Variants in JDP2 observed in about 807,000 individuals in gnomAD.
The protein encoded by JDP2 is progesterone receptor co-activator.
In JDP2, 9 loss-of-function variants were observed where a neutral mutation model predicts 17.1. The ratio of observed to expected loss-of-function variants is 0.53; its 90% CI spans 0.32 to 0.92. JDP2 has a LOEUF of 0.92. Ranked by LOEUF, JDP2 falls within the 40% of genes least tolerant of loss-of-function variation. JDP2 has a pLI of 0.04. For missense variants in JDP2, 179 were observed against 220.0 expected (o/e 0.81, Z 1.18); for synonymous variants, 107 against 95.6 (o/e 1.12, Z -0.69).
At position 75,430,269 on chromosome 14, in the gene JDP2, C is replaced by T. The variant is rs1315835550; in HGVS notation, c.-24+2017C>T. ...TCTCTCGAGTGTCTGTTTCCAGCTC[C>T]ACTCTGGAAAGAAAGGGGCCAACGC... is the stretch of plus-strand genomic sequence containing the variant. On this transcript the variant is annotated intron_variant, in intron 1 of 3. Coordinates refer to ENST00000651602, the MANE Select transcript of JDP2 (RefSeq NM_001135048.2). The surrounding 1 kb of genome is among the most constrained non-coding windows in gnomAD (Gnocchi z 4.5). Among the ~76,000 whole-genome samples, 1 of 152,184 alleles carries T rather than the reference C, an allele frequency of 6.6e-6. No individual in the cohort carries two copies. Among genetic ancestry groups the T allele is most frequent in the Non-Finnish European group, 1.5e-5 (1 of 68,042 alleles).
rs1566751282 is a variant in JDP2 at position 75,469,441 on chromosome 14, GCAAC to G, written c.460_463del (p.Asn154HisfsTer61). The G allele has an allele frequency of 1.9e-6, 3 of 1,614,010 alleles. No individual in the cohort carries two copies. Among genetic ancestry groups the G allele is most frequent in the Non-Finnish European group, 2.5e-6 (3 of 1,179,984 alleles). ...AGTGTCAAGACCCCCGAGTCAGAAG[GCAAC>G]CCACTGCTCGAGCAGCTCGAGAAGA... is the stretch of plus-strand genomic sequence containing the variant. On this transcript the variant is annotated frameshift_variant, in exon 4 of 4. Transcript: ENST00000651602. LOFTEE classifies it high-confidence loss of function.
intron 3 of JDP2, 123 bp downstream of exon 3, chr14:75,461,653 A>G (rs1886353878): frequency 1.3e-6 from 1 of 741,666 alleles, no homozygotes. Flanking sequence ...CTGCCAAAGC[A>G]GCCTTGGCCC....
At chr14:75,460,068 T>C (rs1176757306) in intron 2 of JDP2, among the ~76,000 whole-genome samples, 1 of 152,228 alleles carries the variant, frequency 6.6e-6, no homozygotes, top group Non-Finnish European at 1.5e-5. Context: ...ATGACATGTG[T>C]TTAAAGCATT....
chr14:75,446,058 C>G (rs1176990868), intron 2 of JDP2, among the ~76,000 whole-genome samples: 1 of 152,058 alleles, frequency 6.6e-6, no homozygotes, highest in Non-Finnish European at 1.5e-5. Flanking sequence ...AAAAAATGCT[C>G]AACATCATAG....
chr14:75,455,918 T>C (rs1886082222), intron 2 of JDP2, among the ~76,000 whole-genome samples: 2 of 152,212 alleles, frequency 1.3e-5, no homozygotes, highest in African/African-American at 2.4e-5. Context: ...TATTGGCGGC[T>C]GCTTAAGGGC....
rs1884612874 is a variant in JDP2, at chr14:75,428,153, C to T, written c.-123C>T. On this transcript the variant is annotated 5_prime_UTR_variant, in exon 1 of 4. Transcript: ENST00000651602. This position sits in a 1 kb window ranked among gnomAD's most constrained non-coding sequence, Gnocchi z 5.6. ...GGCCGGGACAGGCCTGGGCACCGGGCGGAGCTCCGCGGCCGGGCGGCAGCG... is the reference window on the plus strand; with the variant it reads ...GGCCGGGACAGGCCTGGGCACCGGGTGGAGCTCCGCGGCCGGGCGGCAGCG... 6.9e-6 allele frequency: 1 copy of T among 145,716 alleles called. No homozygotes were observed. The highest frequency in any genetic ancestry group is 2.5e-5 in the African/African-American group (1 of 40,638). The allele number at this position is 145,716 out of a possible 1,614,324, so 9.0% of individuals were successfully genotyped here.
chr14:75,456,114 A>G lies in JDP2; in HGVS notation c.202-5312A>G, dbSNP rs1169626723. ...AGTGGCATGTGGCAGAAACCTTCTCAAACTCCCTTCAAGCCAAGGGAGGAA... is the reference window on the plus strand; with the variant it reads ...AGTGGCATGTGGCAGAAACCTTCTCGAACTCCCTTCAAGCCAAGGGAGGAA... On this transcript the variant is annotated intron_variant, in intron 2 of 3. Coordinates refer to ENST00000651602, the MANE Select transcript of JDP2 (RefSeq NM_001135048.2). Among the ~76,000 whole-genome samples, 6 of 152,180 alleles carry G rather than the reference A, an allele frequency of 3.9e-5. No individual in the cohort carries two copies. In the East Asian group the frequency reaches 1.2e-3, roughly 29 times the overall value.
At chr14:75,469,001 A>G (rs141876860) in intron 3 of JDP2, among the ~76,000 whole-genome samples, 38 of 152,360 alleles carry the variant, frequency 2.5e-4, no homozygotes, top group African/African-American at 9.1e-4. Flanking sequence ...GAGCAACAGC[A>G]AGGTGGTCAC....
intron 3 of JDP2, among the ~76,000 whole-genome samples, chr14:75,462,290 C>G (rs1431481949): frequency 1.3e-5 from 2 of 152,188 alleles, no homozygotes; most frequent in East Asian, 1.9e-4. Context: ...AGTCTCTGGT[C>G]TTTCCACCCC....
chr14:75,455,385 TG>T (rs1886056429), intron 2 of JDP2, among the ~76,000 whole-genome samples: 2 of 152,152 alleles, frequency 1.3e-5, no homozygotes, highest in Admixed American at 1.3e-4. Context: ...GGTCCAGGAC[TG>T]GGGGTGGACT....
chr14:75,464,698 A>T (rs1008314187), intron 3 of JDP2, among the ~76,000 whole-genome samples: 1 of 152,204 alleles, frequency 6.6e-6, no homozygotes, highest in Non-Finnish European at 1.5e-5. Flanking sequence ...GGACAACCAG[A>T]TCCACACCTG....
chr14:75,442,601 T>G (rs1885406167), intron 2 of JDP2, among the ~76,000 whole-genome samples: 1 of 152,240 alleles, frequency 6.6e-6, no homozygotes, highest in African/African-American at 2.4e-5. Flanking sequence ...CATTGTTCAT[T>G]AGGTTTTGCT....
intron 2 of JDP2, among the ~76,000 whole-genome samples, chr14:75,441,247 C>G (rs908665608): frequency 5.3e-5 from 8 of 152,188 alleles, no homozygotes; most frequent in African/African-American, 1.9e-4. Flanking sequence ...CTCCTGGGCT[C>G]TGTCCAAACG....
In JDP2 at chr14:75,443,242, A is replaced by G. The variant is rs909224; in HGVS notation, c.201+5121A>G. Among the ~76,000 whole-genome samples the G allele has an allele frequency of 8.3e-4, 126 of 152,294 alleles. 5 individuals are homozygous for G. The South Asian group carries it at 0.025, about 31-fold the overall frequency. On this transcript the variant is annotated intron_variant, in intron 2 of 3. Coordinates refer to ENST00000651602, the MANE Select transcript of JDP2 (RefSeq NM_001135048.2). ...AAGACGTGCATCCATGTTTAGCCTG[A>G]GCAGAAAAAGTTGCCCCAAACCAGC...
intron 2 of JDP2, among the ~76,000 whole-genome samples, chr14:75,443,822 C>T (rs1449949287): frequency 6.6e-6 from 1 of 152,134 alleles, no homozygotes; most frequent in African/African-American, 2.4e-5. Flanking sequence ...CTCTGAAAAG[C>T]TCAGGAAGTC....
chr14:75,433,390 C>A (rs74067234), intron 1 of JDP2, among the ~76,000 whole-genome samples: 1,746 of 150,772 alleles, frequency 0.012, 37 homozygotes, highest in African/African-American at 0.04. Flanking sequence ...TTTAGCTTTT[C>A]TTTTCTCTGA....
chr14:75,441,478 T>C (rs202223476), intron 2 of JDP2, among the ~76,000 whole-genome samples: 53 of 152,324 alleles, frequency 3.5e-4, no homozygotes, highest in African/African-American at 1.3e-3. Context: ...GGAACAGAGC[T>C]ACAGATAAAG....
rs1886865386 is a variant in JDP2, at chr14:75,474,026, G to A, written c.*4551G>A. On this transcript the variant is annotated 3_prime_UTR_variant, in exon 4 of 4. Transcript: ENST00000651602. ...ACAGGATTTTTCAGAGGTGGGTGAT[G>A]TGTGCACAGATGTGGGCTATCTTCT... 1 of 152,208 alleles carries A rather than the reference G, an allele frequency of 6.6e-6. No individual in the cohort carries two copies. Among genetic ancestry groups the A allele is most frequent in the African/African-American group, 2.4e-5 (1 of 41,450 alleles). 9.4% of individuals were successfully genotyped at this position (152,208 alleles called of 1,614,324 possible).
rs926256345 is a variant in JDP2 at position 75,456,783 on chromosome 14, T to C, written c.202-4643T>C. Among the ~76,000 whole-genome samples, 7 of 152,270 alleles carry C rather than the reference T, an allele frequency of 4.6e-5. No individual in the cohort carries two copies. In the South Asian group the frequency reaches 1.0e-3, roughly 23 times the overall value. On this transcript the variant is annotated intron_variant, in intron 2 of 3. Coordinates refer to ENST00000651602, the MANE Select transcript of JDP2 (RefSeq NM_001135048.2). The stretch of plus-strand genomic sequence containing the variant: ...AGGATCTCCCTGTCCAATTTAAAAT[T>C]CCAGGAGAGTGAGTACAGCTCGGCT...
Sources: allele counts gnomAD v4.1 joint callset (sites outside exome capture counted in the v4.1 genomes callset), GRCh38; gene constraint gnomAD v4.1.1; non-coding constraint Gnocchi (gnomAD v3.1); transcripts MANE v1.5; gene names NCBI Gene and HGNC (gene_info 2026-07-23, HGNC 2026-07-21).